LYRM4: variants seen among roughly 807,000 people sequenced by gnomAD.
LYRM4 encodes LYR motif containing 4.
A neutral mutation model predicts 11.7 loss-of-function variants in LYRM4; 9 were observed. The observed-to-expected ratio is 0.77, with a 90% CI of 0.46 to 1.34. The LOEUF is 1.34. Among genes scored for constraint, LYRM4 ranks in the 40% most tolerant of loss-of-function variants. LYRM4 has a pLI of 0.00. For synonymous variants in LYRM4, 42 were observed against 40.4 expected (o/e 1.04, Z -0.15); for missense variants, 133 against 112.5 (o/e 1.18, Z -0.82).
chr6:5,072,704 G>A, the LYRM4 span, among the ~76,000 whole-genome samples: 10 of 151,346 alleles, frequency 6.6e-5, 1 homozygote, highest in Admixed American at 2.0e-4. Flanking sequence ...AATAGCCACC[G>A]CATCGGCCCA....
chr6:5,154,192 G>GA (rs1286173071), intron 2 of LYRM4, among the ~76,000 whole-genome samples: 1 of 152,086 alleles, frequency 6.6e-6, no homozygotes, highest in Admixed American at 6.5e-5. Flanking sequence ...GTAATTATCA[G>GA]AAACATTGAT....
chr6:5,055,216 T>G, the LYRM4 span, among the ~76,000 whole-genome samples: 9 of 152,334 alleles, frequency 5.9e-5, no homozygotes, highest in Non-Finnish European at 1.0e-4. This position sits in a 1 kb window ranked among gnomAD's most constrained non-coding sequence, Gnocchi z 4.5. Context: ...CTTACATGTA[T>G]TCATTTATGT....
At chr6:5,113,430 G>C (rs1162626457) in intron 2 of LYRM4, 2 of 371,796 alleles carry the variant, frequency 5.4e-6, no homozygotes, top group South Asian at 3.9e-5. Flanking sequence ...AAAAGAAAAA[G>C]AGTGCAGGTG....
At chr6:5,178,577 G>A (rs559723642) in intron 2 of LYRM4, among the ~76,000 whole-genome samples, 1 of 151,642 alleles carries the variant, frequency 6.6e-6, no homozygotes, top group South Asian at 2.1e-4. Flanking sequence ...ATTTTGGGAG[G>A]CCGAGGCAGG....
At chr6:5,205,809 A>C (rs1334355698) in intron 2 of LYRM4, among the ~76,000 whole-genome samples, 1 of 152,144 alleles carries the variant, frequency 6.6e-6, no homozygotes, top group Non-Finnish European at 1.5e-5. Context: ...GGGAAACCTC[A>C]TTCGTAAATG....
At chr6:5,157,029 C>T (rs1425989365) in intron 2 of LYRM4, among the ~76,000 whole-genome samples, 2 of 152,160 alleles carry the variant, frequency 1.3e-5, no homozygotes, top group Non-Finnish European at 2.9e-5. Context: ...ATGCTAAGCC[C>T]ACTTTCCAGA....
At chr6:5,193,176 A>G (rs1760862353) in intron 2 of LYRM4, among the ~76,000 whole-genome samples, 1 of 152,202 alleles carries the variant, frequency 6.6e-6, no homozygotes, top group African/African-American at 2.4e-5. Context: ...ACAAACAACA[A>G]AAGTAACAAC....
At chr6:5,121,018 G>A (rs1763430491) in intron 2 of LYRM4, among the ~76,000 whole-genome samples, 1 of 152,164 alleles carries the variant, frequency 6.6e-6, no homozygotes, top group Non-Finnish European at 1.5e-5. Flanking sequence ...CCTTGCTTCT[G>A]ACTAGCGTCC....
chr6:5,237,483 A>C (rs1176918609), intron 1 of LYRM4, among the ~76,000 whole-genome samples: 1 of 152,030 alleles, frequency 6.6e-6, no homozygotes, highest in Admixed American at 6.6e-5. Flanking sequence ...TATATAGTAC[A>C]ATGTAATAAA....
intron 2 of LYRM4, among the ~76,000 whole-genome samples, chr6:5,148,999 C>T (rs1757940262): frequency 6.6e-6 from 1 of 152,084 alleles, no homozygotes; most frequent in Non-Finnish European, 1.5e-5. Context: ...TAAAACTGTA[C>T]TTTAAACCTG....
intron 1 of LYRM4, among the ~76,000 whole-genome samples, chr6:5,251,923 G>C (rs988441482): frequency 6.6e-6 from 1 of 152,164 alleles, no homozygotes; most frequent in African/African-American, 2.4e-5. Context: ...TCTGGATTGC[G>C]ACTGGTAATA....
chr6:5,052,359 A>G, the LYRM4 span, among the ~76,000 whole-genome samples: 8 of 152,264 alleles, frequency 5.3e-5, no homozygotes, highest in African/African-American at 1.2e-4. Flanking sequence ...TGTGATATCA[A>G]TAGCTGAAAG....
At chr6:5,131,383 G>A (rs944127291) in intron 2 of LYRM4, among the ~76,000 whole-genome samples, 2 of 152,148 alleles carry the variant, frequency 1.3e-5, no homozygotes, top group African/African-American at 4.8e-5. Context: ...ACACACACAT[G>A]TATCTCAGAG....
rs745708929 is a variant in LYRM4, at chr6:5,260,754, A to G, written c.-21T>C. On this transcript the variant is annotated 5_prime_UTR_variant, in exon 1 of 3. Transcript: ENST00000330636. ...GCCATTTTGGAAAGAAAAAAAAATA[A>G]ACGGGTCCTCTTCGCCGAGGTCCCA... The G allele has an allele frequency of 3.3e-6, 5 of 1,536,118 alleles. No homozygotes were observed. In the South Asian group the frequency reaches 4.8e-5, roughly 15 times the overall value.
intron 2 of LYRM4, among the ~76,000 whole-genome samples, chr6:5,117,295 G>A (rs573112651): frequency 5.9e-5 from 9 of 152,342 alleles, no homozygotes; most frequent in African/African-American, 1.4e-4. Context: ...GGTGGCTCAC[G>A]CCTGTAATCC....
the LYRM4 span, among the ~76,000 whole-genome samples, chr6:5,095,251 A>G: frequency 6.6e-6 from 1 of 152,204 alleles, no homozygotes; most frequent in Non-Finnish European, 1.5e-5. Context: ...ATAATAAAGA[A>G]TTATTTGACC....
intron 2 of LYRM4, chr6:5,138,817 A>C: frequency 9.3e-7 from 1 of 1,077,958 alleles, no homozygotes; most frequent in Non-Finnish European, 1.4e-6. Context: ...GATTTCAAAC[A>C]GAAGCAAGTG....
chr6:5,202,432 C>T (rs573600611), intron 2 of LYRM4, among the ~76,000 whole-genome samples: 1 of 152,296 alleles, frequency 6.6e-6, no homozygotes, highest in East Asian at 1.9e-4. Context: ...GCCTGATTTC[C>T]CAATGTCCAA....
intron 2 of LYRM4, among the ~76,000 whole-genome samples, chr6:5,114,844 G>A (rs1157470582): frequency 6.6e-6 from 1 of 152,166 alleles, no homozygotes; most frequent in Non-Finnish European, 1.5e-5. Flanking sequence ...GTGGCCCGCA[G>A]GCTGTGGGTT....
Sources: gnomAD v4.1 joint callset for allele counts (sites outside exome capture counted in the v4.1 genomes callset) on GRCh38, gnomAD v4.1.1 for gene constraint, Gnocchi (gnomAD v3.1) non-coding constraint, MANE v1.5 for transcripts, NCBI Gene and HGNC (gene_info 2026-07-23, HGNC 2026-07-21) for gene names.